The following EVL variants were observed in gnomAD, a reference collection of about 807,000 sequenced individuals.
The protein encoded by EVL is Enah/Vasp-like, also known as ena/VASP-like protein.
EVL carries 21 observed loss-of-function variants against 59.6 expected under a neutral mutation model. The ratio of observed to expected loss-of-function variants is 0.35; its 90% CI spans 0.25 to 0.51. EVL has a LOEUF of 0.51. Among genes scored for constraint, EVL ranks in the 20% least tolerant of loss-of-function variants. The probability of loss-of-function intolerance (pLI) is 0.97; values close to 1 mark genes in which losing one functional copy is unlikely to be tolerated. For missense variants in EVL, 462 were observed against 546.6 expected, an observed-to-expected ratio of 0.85 and a Z score of 1.54; for synonymous variants, 198 against 203.5, an observed-to-expected ratio of 0.97 and a Z score of 0.23.
intron 1 of EVL, among the ~76,000 whole-genome samples, chr14:100,011,443 C>T (rs1239199421): frequency 1.3e-5 from 2 of 152,136 alleles, no homozygotes; most frequent in African/African-American, 2.4e-5. Flanking sequence ...ATTATGGTTT[C>T]ATTGCTCTGA....
chr14:100,089,406 G>T (rs1032535987), intron 2 of EVL, among the ~76,000 whole-genome samples: 3 of 152,274 alleles, frequency 2.0e-5, no homozygotes, highest in African/African-American at 7.2e-5. Context: ...AAGTTAAAAA[G>T]GATGGAACTC....
Position 100,041,516 on chromosome 14 carries a change from C to G in EVL, c.6-43171C>G, listed in dbSNP as rs969179422. ...CTATGCCGCTTGCTAGTCAAATGGC[C>G]TGGAGCCACTCTCTGAGCTTCAGAT... On this transcript the variant is annotated intron_variant, in intron 1 of 13. Transcript: ENST00000402714. 2.0e-5 allele frequency among the ~76,000 whole-genome samples: 3 copies of G among 152,146 alleles called. No individual in the cohort carries two copies. The South Asian group carries it at 6.2e-4, about 32-fold the overall frequency.
At chr14:100,120,749 T>G (rs915664709) in intron 3 of EVL, among the ~76,000 whole-genome samples, 1 of 152,182 alleles carries the variant, frequency 6.6e-6, no homozygotes, top group African/African-American at 2.4e-5. Context: ...ACCTTGAATC[T>G]TATTCAATGG....
At chr14:100,123,202 G>A (rs1254569963) in intron 3 of EVL, among the ~76,000 whole-genome samples, 1 of 152,254 alleles carries the variant, frequency 6.6e-6, no homozygotes, top group Non-Finnish European at 1.5e-5. Flanking sequence ...TTAAAGGGTT[G>A]AGGGGGTGGT....
At chr14:100,136,090 C>T in intron 9 of EVL, 122 bp downstream of exon 9, 1 of 1,097,738 alleles carries the variant, frequency 9.1e-7, no homozygotes, top group Non-Finnish European at 1.3e-6. Flanking sequence ...GGCCAGGCCA[C>T]AGGGAAGCCC....
At chr14:100,100,930 G>C (rs530461884) in intron 3 of EVL, among the ~76,000 whole-genome samples, 2 of 152,068 alleles carry the variant, frequency 1.3e-5, no homozygotes, top group Non-Finnish European at 2.9e-5. Context: ...CATTTTCCAC[G>C]ATTATCCTCA....
chr14:100,003,698 C>T (rs138017498), intron 1 of EVL, among the ~76,000 whole-genome samples: 35 of 152,150 alleles, frequency 2.3e-4, no homozygotes, highest in African/African-American at 6.5e-4. Context: ...GGAATACAGG[C>T]GTGAGCCCCC....
At chr14:100,011,214 A>C (rs1271177133) in intron 1 of EVL, among the ~76,000 whole-genome samples, 1 of 152,224 alleles carries the variant, frequency 6.6e-6, no homozygotes, top group Non-Finnish European at 1.5e-5. Flanking sequence ...CAAAAAGATT[A>C]TTGTGTGCCC....
chr14:100,064,965 A>G (rs180961779), upstream of EVL, among the ~76,000 whole-genome samples: 19 of 152,300 alleles, frequency 1.2e-4, no homozygotes, highest in East Asian at 2.3e-3. Context: ...CTAGTCTTCT[A>G]TTCTCTGGAG....
chr14:100,102,380 G>A (rs1249728030), intron 3 of EVL: 1 of 455,918 alleles, frequency 2.2e-6, no homozygotes, highest in African/African-American at 2.0e-5. Flanking sequence ...ACGTCATGTG[G>A]TATGTTCCAG....
chr14:100,014,269 C>G (rs546001483), intron 1 of EVL, among the ~76,000 whole-genome samples: 72 of 152,260 alleles, frequency 4.7e-4, no homozygotes, highest in African/African-American at 1.6e-3. Flanking sequence ...TCGATTGTTT[C>G]AATTTTTAGC....
At chr14:100,126,359 A>AG (rs1888069152) in intron 4 of EVL, among the ~76,000 whole-genome samples, 1 of 152,230 alleles carries the variant, frequency 6.6e-6, no homozygotes, top group African/African-American at 2.4e-5. Flanking sequence ...GGCGTTCCTG[A>AG]GGCTGGGTCT....
intron 1 of EVL, among the ~76,000 whole-genome samples, chr14:100,017,777 T>C (rs938150059): frequency 7.9e-5 from 12 of 152,314 alleles, no homozygotes; most frequent in Non-Finnish European, 1.6e-4. Flanking sequence ...CAGAAGGCAT[T>C]TCAGATCAGC....
In EVL at chr14:99,993,764, C is replaced by G. The variant is rs1210604976; in HGVS notation, c.5+21707C>G. ...CTGGAGTGCAATGGCGCAGTCTTCC[C>G]TCACTGCAGCCTCTGCTTCTGGGTT... On this transcript the variant is annotated intron_variant, in intron 1 of 13. Transcript: ENST00000402714. Among the ~76,000 whole-genome samples the G allele has an allele frequency of 2.0e-5, 3 of 148,284 alleles. No homozygotes were observed. The East Asian group carries it at 5.9e-4, about 29-fold the overall frequency.
rs1470323541 is a variant in EVL at position 100,127,275 on chromosome 14, G to A, written c.487+504G>A. Among the ~76,000 whole-genome samples the A allele has an allele frequency of 6.6e-6, 1 of 152,232 alleles. No homozygotes were observed. The highest frequency in any genetic ancestry group is 1.5e-5 in the Non-Finnish European group (1 of 68,044). On this transcript the variant is annotated intron_variant, in intron 5 of 13. Coordinates refer to ENST00000392920, the MANE Select transcript of EVL (RefSeq NM_016337.3). The surrounding 1 kb of genome is among the most constrained non-coding windows in gnomAD (Gnocchi z 4.2). ...GCTTAGCACGTTAAAGGAGAAGGACGAGGGTTTTCCAGAAATTGTCATGTT... is the reference window on the plus strand; with the variant it reads ...GCTTAGCACGTTAAAGGAGAAGGACAAGGGTTTTCCAGAAATTGTCATGTT...
chr14:100,004,207 A>G (rs769372429), intron 1 of EVL, among the ~76,000 whole-genome samples: 3 of 152,230 alleles, frequency 2.0e-5, no homozygotes. Flanking sequence ...GTGTCTCAAA[A>G]TCAACCAACC....
intron 1 of EVL, among the ~76,000 whole-genome samples, chr14:100,056,113 G>C (rs190725258): frequency 6.6e-6 from 1 of 152,010 alleles, no homozygotes; most frequent in East Asian, 1.9e-4. Flanking sequence ...CCTGGCCCAC[G>C]TTGTTTTCGT....
chr14:100,113,480 G>A (rs1339437911), intron 3 of EVL, among the ~76,000 whole-genome samples: 11 of 152,126 alleles, frequency 7.2e-5, no homozygotes, highest in South Asian at 2.1e-4. Context: ...CCTCAGGTGC[G>A]GAAATTAAGT....
At chr14:100,026,093 G>A (rs1262705213) in intron 1 of EVL, among the ~76,000 whole-genome samples, 1 of 151,642 alleles carries the variant, frequency 6.6e-6, no homozygotes, top group East Asian at 1.9e-4. Context: ...TCTACAAAAA[G>A]TACAAAAATT....
Sources: allele counts gnomAD v4.1 joint callset (sites outside exome capture counted in the v4.1 genomes callset), GRCh38; gene constraint gnomAD v4.1.1; non-coding constraint Gnocchi (gnomAD v3.1); transcripts MANE v1.5; gene names NCBI Gene and HGNC (gene_info 2026-07-23, HGNC 2026-07-21).